SOX6: variants seen among roughly 807,000 people sequenced by gnomAD.
SOX6 encodes transcription factor SOX-6.
Under a neutral mutation model 97.8 loss-of-function variants are expected in SOX6, and 11 were observed. The observed-to-expected ratio is 0.11, with a 90% CI of 0.07 to 0.19. The LOEUF is 0.19. Among genes scored for constraint, SOX6 ranks in the 10% least tolerant of loss-of-function variants. The probability of loss-of-function intolerance (pLI) is 1.00; values close to 1 mark genes in which losing one functional copy is unlikely to be tolerated. For synonymous variants in SOX6, 360 were observed against 371.4 expected (o/e 0.97, Z 0.35); for missense variants, 810 against 1,039.5 (o/e 0.78, Z 3.04).
chr11:16,351,196 T>C (rs891888439), intron 1 of SOX6, among the ~76,000 whole-genome samples: 5 of 152,000 alleles, frequency 3.3e-5, no homozygotes, highest in African/African-American at 1.2e-4. Context: ...TTTTCCTCAA[T>C]ACCTCCCCTC....
chr11:16,239,732 C>A (rs1241804064), intron 3 of SOX6, among the ~76,000 whole-genome samples: 1 of 152,032 alleles, frequency 6.6e-6, no homozygotes, highest in African/African-American at 2.4e-5. Flanking sequence ...AGGAGCTGGA[C>A]TTCTCAAGCA....
chr11:16,132,444 A>AAAAGAAAGAAAGAAAGAAAGAAAG (rs59652288), intron 6 of SOX6, among the ~76,000 whole-genome samples: 3 of 27,228 alleles, frequency 1.1e-4, no homozygotes, highest in Non-Finnish European at 6.8e-5. Context: ...AAAGAAAGAA[A>AAAAGAAAGAAAGAAAGAAAGAAAG]AAAGAAAGAA....
intron 12 of SOX6, among the ~76,000 whole-genome samples, chr11:16,039,195 T>C (rs1051722222): frequency 1.3e-5 from 2 of 152,088 alleles, no homozygotes; most frequent in East Asian, 3.9e-4. Context: ...CTCTATTTAG[T>C]TTTTATGTTG....
intron 1 of SOX6, among the ~76,000 whole-genome samples, chr11:16,470,580 A>G (rs997180388): frequency 1.3e-5 from 2 of 152,144 alleles, no homozygotes; most frequent in Non-Finnish European, 2.9e-5. Flanking sequence ...TCAGTGGTAG[A>G]AGCGTCTCTA....
At chr11:16,011,247 C>G (rs1854716584) in intron 13 of SOX6, among the ~76,000 whole-genome samples, 1 of 152,108 alleles carries the variant, frequency 6.6e-6, no homozygotes. Context: ...CAAGCCCTCT[C>G]TTCCTTACAT....
chr11:15,999,418 T>C (rs1854330992), intron 13 of SOX6, among the ~76,000 whole-genome samples: 1 of 152,104 alleles, frequency 6.6e-6, no homozygotes, highest in Admixed American at 6.5e-5. Context: ...AGCAGTTTTA[T>C]CAATAATAGA....
chr11:16,371,474 T>TA (rs1459998334), intron 1 of SOX6, among the ~76,000 whole-genome samples: 9 of 149,936 alleles, frequency 6.0e-5, no homozygotes, highest in Admixed American at 1.3e-4. Context: ...TTCTTTTTTT[T>TA]AAAAAAAAAT....
chr11:16,178,195 G>T (rs1373046940), intron 6 of SOX6, among the ~76,000 whole-genome samples: 3 of 151,896 alleles, frequency 2.0e-5, no homozygotes, highest in African/African-American at 7.2e-5. Flanking sequence ...AGTCTAGCAT[G>T]ACTAATGTGG....
intron 13 of SOX6, among the ~76,000 whole-genome samples, chr11:16,008,681 G>A (rs747341071): frequency 2.0e-5 from 3 of 152,074 alleles, no homozygotes; most frequent in Non-Finnish European, 4.4e-5. Flanking sequence ...AAGTTATTTC[G>A]GAGCTTTTAA....
At chr11:16,432,383 A>T (rs988724560) in intron 1 of SOX6, among the ~76,000 whole-genome samples, 2 of 152,110 alleles carry the variant, frequency 1.3e-5, no homozygotes, top group African/African-American at 4.8e-5. Context: ...AAGTCAAAGG[A>T]TTCAAAAGCA....
chr11:16,400,904 A>C (rs1280502649), intron 1 of SOX6, among the ~76,000 whole-genome samples: 1 of 151,478 alleles, frequency 6.6e-6, no homozygotes, highest in East Asian at 1.9e-4. Flanking sequence ...ATAGTCCCAA[A>C]TTTCTAAATA....
intron 3 of SOX6, among the ~76,000 whole-genome samples, chr11:16,237,194 A>G (rs1853049920): frequency 6.6e-6 from 1 of 151,966 alleles, no homozygotes; most frequent in Admixed American, 6.6e-5. Context: ...CTACCCCATT[A>G]TCTGACTGCC....
chr11:16,231,491 T>G (rs1323726173), intron 4 of SOX6, among the ~76,000 whole-genome samples: 1 of 151,804 alleles, frequency 6.6e-6, no homozygotes, highest in Non-Finnish European at 1.5e-5. Flanking sequence ...TACTTGTTAT[T>G]CAGGGCAAGA....
chr11:16,525,809 A>G (rs1200153237), intron 4 of SOX6, among the ~76,000 whole-genome samples: 1 of 152,178 alleles, frequency 6.6e-6, no homozygotes. Context: ...AACCCCATCA[A>G]CAAGTGGGCG....
chr11:16,147,103 C>T (rs908567508), intron 6 of SOX6, among the ~76,000 whole-genome samples: 19 of 152,010 alleles, frequency 1.2e-4, no homozygotes, highest in African/African-American at 4.6e-4. Context: ...GGAACCAACC[C>T]AAATGTCCAA....
chr11:16,291,373 A>ATAAATAAATAAG (rs1854912422), intron 3 of SOX6, among the ~76,000 whole-genome samples: 1 of 151,488 alleles, frequency 6.6e-6, no homozygotes, highest in Non-Finnish European at 1.5e-5. Context: ...GAATAAATAA[A>ATAAATAAATAAG]TAAATAAATA....
At position 16,615,562 on chromosome 11, in the gene SOX6, A is replaced by G. The variant is rs201168893; in HGVS notation, n.430-3302T>C. ...TGTCACTATTCAGTCTATATTCTCC[A>G]TTTTACCATAAACAGAATATTGAAT... On this transcript the variant is annotated intron_variant and non_coding_transcript_variant, in intron 3 of 5. Coordinates refer to the SOX6 transcript ENST00000524520. Among the ~76,000 whole-genome samples the G allele has an allele frequency of 3.9e-5, 6 of 152,286 alleles. No individual in the cohort carries two copies. The East Asian group carries it at 1.2e-3, about 29-fold the overall frequency.
At chr11:16,620,121 A>G (rs967690170) in intron 3 of SOX6, among the ~76,000 whole-genome samples, 12 of 152,190 alleles carry the variant, frequency 7.9e-5, no homozygotes, top group Non-Finnish European at 1.5e-4. Flanking sequence ...TCACCAGTAG[A>G]CTTCTATTAT....
chr11:16,640,122 G>T (rs1848872821), intron 3 of SOX6, among the ~76,000 whole-genome samples: 1 of 152,118 alleles, frequency 6.6e-6, no homozygotes, highest in Non-Finnish European at 1.5e-5. Context: ...AGTATGAAGG[G>T]CTGTTGAATT....
Sources: gnomAD v4.1 joint callset for allele counts (sites outside exome capture counted in the v4.1 genomes callset) on GRCh38, gnomAD v4.1.1 for gene constraint, MANE v1.5 for transcripts, NCBI Gene and HGNC (gene_info 2026-07-23, HGNC 2026-07-21) for gene names.